Variants in NEK11 observed in about 807,000 individuals in gnomAD.
NEK11 encodes the protein serine/threonine-protein kinase Nek11.
A neutral mutation model predicts 80.7 loss-of-function variants in NEK11; 72 were observed. The ratio of observed to expected loss-of-function variants is 0.89; its 90% CI spans 0.74 to 1.08. NEK11 has a LOEUF of 1.08. Among genes scored for constraint, NEK11 ranks in the 50% least tolerant of loss-of-function variants. NEK11 has a pLI of 0.00. For missense variants in NEK11, 764 were observed against 763.6 expected, an observed-to-expected ratio of 1.00 and a Z score of -0.01; for synonymous variants, 251 against 260.7, an observed-to-expected ratio of 0.96 and a Z score of 0.36.
At chr3:131,108,154 G>T (rs1262590076) in intron 4 of NEK11, among the ~76,000 whole-genome samples, 1 of 152,014 alleles carries the variant, frequency 6.6e-6, no homozygotes, top group South Asian at 2.1e-4. Context: ...GATTTGTTAC[G>T]GCCCTGTGTA....
At chr3:131,126,173 A>T (rs886440635) in intron 5 of NEK11, among the ~76,000 whole-genome samples, 2 of 152,106 alleles carry the variant, frequency 1.3e-5, no homozygotes, top group African/African-American at 4.8e-5. Flanking sequence ...TTTCAGTTCT[A>T]CTTCCTTTAT....
intron 16 of NEK11, among the ~76,000 whole-genome samples, chr3:131,271,918 A>C (rs1346384650): frequency 6.6e-6 from 1 of 151,850 alleles, no homozygotes; most frequent in Non-Finnish European, 1.5e-5. Flanking sequence ...GGAGACCAAC[A>C]GGAGATAACC....
intron 7 of NEK11, among the ~76,000 whole-genome samples, chr3:131,144,444 G>A (rs1390515232): frequency 1.3e-5 from 2 of 152,122 alleles, no homozygotes; most frequent in Non-Finnish European, 2.9e-5. Context: ...TCAAATAAGG[G>A]AAAATTATTT....
chr3:131,107,786 T>C (rs2079436983), intron 4 of NEK11, among the ~76,000 whole-genome samples: 1 of 152,130 alleles, frequency 6.6e-6, no homozygotes, highest in Non-Finnish European at 1.5e-5. Context: ...ACCCATGTTA[T>C]TCAAGGGTCA....
At chr3:131,058,904 C>G (rs570070180) in intron 3 of NEK11, among the ~76,000 whole-genome samples, 1 of 152,288 alleles carries the variant, frequency 6.6e-6, no homozygotes, top group South Asian at 2.1e-4. Context: ...GCTAATAATA[C>G]TTCTATTCCA....
At chr3:131,243,348 G>A (rs572335981) in intron 15 of NEK11, 88 bp from the exon 16 acceptor site, 548 of 1,216,028 alleles carry the variant, frequency 4.5e-4, no homozygotes, top group South Asian at 5.5e-4. Flanking sequence ...TTTTTTTTTC[G>A]CCTAAATGTA....
In NEK11 at chr3:131,279,304, C is replaced by T. The variant is rs967457003; in HGVS notation, c.1718+5730C>T. ...GACAGGTTGCAGTGAGCTGAGATCACGCCATTGCACTCCAGACTTGGCAAC... is the reference window on the plus strand; with the variant it reads ...GACAGGTTGCAGTGAGCTGAGATCATGCCATTGCACTCCAGACTTGGCAAC... On this transcript the variant is annotated intron_variant, in intron 17 of 17. Transcript: ENST00000383366. 6.6e-5 allele frequency among the ~76,000 whole-genome samples: 10 copies of T among 152,114 alleles called. 1 individual carries two copies. Among genetic ancestry groups the T allele is most frequent in the Middle Eastern group, 6.8e-3 (2 of 294 alleles).
At position 131,124,248 on chromosome 3, in the gene NEK11, C is replaced by A. The variant is rs922383913; in HGVS notation, c.456-8497C>A. Among the ~76,000 whole-genome samples the A allele has an allele frequency of 2.0e-5, 3 of 152,188 alleles. No individual in the cohort carries two copies. The East Asian group carries it at 5.8e-4, about 29-fold the overall frequency. ...TTGATGTTAGAAAAATTTCAAAAAA[C>A]ATGGAAGAGACAAAAGATATTAGTG... is the stretch of plus-strand genomic sequence containing the variant. On this transcript the variant is annotated intron_variant, in intron 5 of 17. Transcript: ENST00000383366.
At chr3:131,044,122 C>G (rs12638632) in intron 3 of NEK11, among the ~76,000 whole-genome samples, 26 of 152,014 alleles carry the variant, frequency 1.7e-4, no homozygotes, top group African/African-American at 6.3e-4. Flanking sequence ...AAGGAGAAAC[C>G]GGTACCAGCC....
intron 17 of NEK11, among the ~76,000 whole-genome samples, chr3:131,308,399 T>C (rs907189749): frequency 2.0e-5 from 3 of 152,196 alleles, no homozygotes; most frequent in Non-Finnish European, 4.4e-5. Flanking sequence ...TTGTGTGTAA[T>C]CAACTTTACA....
chr3:131,250,045 G>C (rs540108110), intron 16 of NEK11, among the ~76,000 whole-genome samples: 2 of 152,104 alleles, frequency 1.3e-5, no homozygotes, highest in Admixed American at 1.3e-4. Context: ...AAAGATAGCA[G>C]AGAAAGTATT....
intron 14 of NEK11, among the ~76,000 whole-genome samples, chr3:131,211,113 A>C (rs563630867): frequency 6.6e-6 from 1 of 151,500 alleles, no homozygotes; most frequent in Admixed American, 6.6e-5. Context: ...GGATGGTACC[A>C]GTTTTCCTTT....
intron 14 of NEK11, among the ~76,000 whole-genome samples, chr3:131,208,939 A>G (rs538475666): frequency 5.3e-5 from 8 of 152,276 alleles, no homozygotes; most frequent in African/African-American, 1.9e-4. Context: ...CTCTTTTCCT[A>G]ATTGAATACC....
chr3:131,153,764 T>G (rs1447342169), intron 9 of NEK11, among the ~76,000 whole-genome samples: 1 of 152,200 alleles, frequency 6.6e-6, no homozygotes, highest in Non-Finnish European at 1.5e-5. Flanking sequence ...TTTCCTGTCC[T>G]TTTGAAGCTT....
intron 14 of NEK11, among the ~76,000 whole-genome samples, chr3:131,211,905 G>A (rs965654194): frequency 1.6e-4 from 24 of 151,946 alleles, no homozygotes; most frequent in African/African-American, 3.6e-4. Context: ...TCCTGGGTTC[G>A]AACATCCTCC....
intron 5 of NEK11, among the ~76,000 whole-genome samples, chr3:131,113,289 GGAGA>G (rs137917685): frequency 2.3e-4 from 35 of 152,034 alleles, no homozygotes; most frequent in African/African-American, 8.2e-4. Context: ...AGGAGAGGGA[GGAGA>G]GAGAGAGAAT....
At position 131,106,623 on chromosome 3, in the gene NEK11, C is replaced by T. The variant is rs139219155; in HGVS notation, c.337-3180C>T. ...TATACTTTTATTAGCTACTATTTAC[C>T]GAAGATTATCCAAGATTATGTCAAC... is the stretch of plus-strand genomic sequence containing the variant. On this transcript the variant is annotated intron_variant, in intron 4 of 17. Coordinates refer to ENST00000383366, the MANE Select transcript of NEK11 (RefSeq NM_024800.5). 8.4e-4 allele frequency among the ~76,000 whole-genome samples: 127 copies of T among 152,050 alleles called. 3 individuals are homozygous for T. In the East Asian group the frequency reaches 0.021, roughly 25 times the overall value.
intron 5 of NEK11, among the ~76,000 whole-genome samples, chr3:131,111,553 A>G (rs2080135269): frequency 2.0e-5 from 3 of 152,142 alleles, no homozygotes; most frequent in South Asian, 4.1e-4. Context: ...CCTTATAACT[A>G]TAAGCCATGC....
chr3:131,327,596 C>CTTGA (rs1263721622), intron 17 of NEK11: 2 of 152,042 alleles, frequency 1.3e-5, no homozygotes, highest in African/African-American at 4.8e-5. Flanking sequence ...AGTTTGTTAG[C>CTTGA]TTGATTCACA....
Sources: gnomAD v4.1 joint callset for allele counts (sites outside exome capture counted in the v4.1 genomes callset) on GRCh38, gnomAD v4.1.1 for gene constraint, MANE v1.5 for transcripts, NCBI Gene and HGNC (gene_info 2026-07-23, HGNC 2026-07-21) for gene names.